BBX: variants seen among roughly 807,000 people sequenced by gnomAD.
The protein encoded by BBX is HMG box transcription factor BBX.
A neutral mutation model predicts 100.2 loss-of-function variants in BBX; 30 were observed. The ratio of observed to expected loss-of-function variants is 0.30; its 90% CI spans 0.22 to 0.41. The LOEUF (loss-of-function observed/expected upper bound fraction) is 0.41. Among genes scored for constraint, BBX ranks in the 10% least tolerant of loss-of-function variants. The pLI, the probability that BBX is intolerant of heterozygous loss-of-function variation, is 1.00. For synonymous variants in BBX, 376 were observed against 388.1 expected (o/e 0.97, Z 0.37); for missense variants, 1,023 against 1,129.8 (o/e 0.91, Z 1.35).
At chr3:107,767,245 C>CA (rs1241362658) in intron 10 of BBX, among the ~76,000 whole-genome samples, 1 of 152,082 alleles carries the variant, frequency 6.6e-6, no homozygotes, top group Non-Finnish European at 1.5e-5. Flanking sequence ...CCCCTGCTTC[C>CA]ATGCAGGTTC....
chr3:107,684,401 T>C (rs978553522), intron 3 of BBX, among the ~76,000 whole-genome samples: 13 of 152,202 alleles, frequency 8.5e-5, no homozygotes, highest in African/African-American at 2.7e-4. Flanking sequence ...ATATTTTTTT[T>C]CTGAGGTAAT....
intron 2 of BBX, among the ~76,000 whole-genome samples, chr3:107,609,746 T>G (rs1282892105): frequency 6.6e-6 from 1 of 152,102 alleles, no homozygotes; most frequent in East Asian, 1.9e-4. Context: ...ATCTCTTATT[T>G]TATTTATTTG....
intron 2 of BBX, among the ~76,000 whole-genome samples, chr3:107,577,958 A>C (rs531886696): frequency 6.6e-6 from 1 of 152,186 alleles, no homozygotes; most frequent in East Asian, 1.9e-4. Flanking sequence ...GGGGAAAAAA[A>C]CCCTTGAGAA....
intron 2 of BBX, among the ~76,000 whole-genome samples, chr3:107,594,852 T>C (rs1432133686): frequency 6.6e-6 from 1 of 152,230 alleles, no homozygotes; most frequent in Non-Finnish European, 1.5e-5. Flanking sequence ...AAGGATACTG[T>C]CTTTTTTGAT....
chr3:107,615,199 T>G (rs989399635), intron 2 of BBX, among the ~76,000 whole-genome samples: 1 of 152,152 alleles, frequency 6.6e-6, no homozygotes, highest in African/African-American at 2.4e-5. Flanking sequence ...ATTGACCATG[T>G]ATTTAAGAAC....
chr3:107,619,367 C>T (rs373155402), intron 2 of BBX, among the ~76,000 whole-genome samples: 1 of 152,014 alleles, frequency 6.6e-6, no homozygotes, highest in Non-Finnish European at 1.5e-5. Flanking sequence ...CCCCATAACC[C>T]CTTTATGTCT....
At chr3:107,616,859 C>T (rs2055330937) in intron 2 of BBX, among the ~76,000 whole-genome samples, 1 of 152,022 alleles carries the variant, frequency 6.6e-6, no homozygotes, top group Non-Finnish European at 1.5e-5. Context: ...TCATCATCTT[C>T]TTAGGGTATT....
chr3:107,684,493 T>A (rs941411672), intron 3 of BBX: 2 of 152,138 alleles, frequency 1.3e-5, no homozygotes, highest in Admixed American at 6.5e-5. Context: ...ATTGAGAGGG[T>A]CTCCCAGGTA....
At chr3:107,661,857 CAGT>C (rs2058462431) in intron 3 of BBX, 2 of 985,218 alleles carry the variant, frequency 2.0e-6, no homozygotes, top group Non-Finnish European at 2.4e-6. Context: ...AAGCCTCTAG[CAGT>C]ACCTGGTATC....
At chr3:107,635,128 A>C (rs978328422) in intron 2 of BBX, among the ~76,000 whole-genome samples, 2 of 138,196 alleles carry the variant, frequency 1.4e-5, no homozygotes, top group Non-Finnish European at 3.1e-5. Flanking sequence ...ATCTATAAAA[A>C]TAACTCAAAC....
chr3:107,716,451 C>T lies in BBX; in HGVS notation c.163-156C>T, dbSNP rs1576475597. 1.2e-5 allele frequency: 10 copies of T among 865,518 alleles called. No homozygotes were observed. In the East Asian group the frequency reaches 2.7e-4, roughly 23 times the overall value. The allele number at this position is 865,518 out of a possible 1,614,324, so 53.6% of individuals were successfully genotyped here. A position where few individuals can be genotyped will look rare whatever the true frequency, so the allele number is the denominator to read the frequency against. On this transcript the variant is annotated intron_variant, in intron 4 of 17. Transcript: ENST00000325805. Reference sequence around the variant, plus strand: ...TCATAAGTTAGTTACCAACCATGAACAGTGGTTGTTGATTTTTTAAAATTA... The same window carrying T: ...TCATAAGTTAGTTACCAACCATGAATAGTGGTTGTTGATTTTTTAAAATTA...
At chr3:107,591,215 G>T (rs1188904110) in intron 2 of BBX, among the ~76,000 whole-genome samples, 2 of 146,398 alleles carry the variant, frequency 1.4e-5, no homozygotes, top group African/African-American at 5.3e-5. Context: ...CCTTTTTAAG[G>T]ATTTTTTTTT....
intron 13 of BBX, among the ~76,000 whole-genome samples, chr3:107,780,857 A>G (rs1364162354): frequency 6.6e-6 from 1 of 151,916 alleles, no homozygotes; most frequent in Non-Finnish European, 1.5e-5. Flanking sequence ...TAGACTCTAG[A>G]CCCTTTCCAC....
chr3:107,731,874 T>C (rs2063337356), intron 6 of BBX, among the ~76,000 whole-genome samples: 1 of 152,162 alleles, frequency 6.6e-6, no homozygotes, highest in African/African-American at 2.4e-5. Context: ...TCATTTTCAA[T>C]TGTAGATTCC....
intron 5 of BBX, 126 bp downstream of exon 5, chr3:107,716,975 G>A: frequency 8.2e-7 from 1 of 1,223,184 alleles, no homozygotes; most frequent in South Asian, 1.5e-5. Flanking sequence ...GAGATGTTAA[G>A]TAAAAACATA....
intron 3 of BBX, among the ~76,000 whole-genome samples, chr3:107,677,843 A>G (rs958537625): frequency 1.3e-5 from 2 of 152,152 alleles, no homozygotes; most frequent in Non-Finnish European, 2.9e-5. Flanking sequence ...TCTTTAGCCT[A>G]TTAGTATTTT....
intron 2 of BBX, among the ~76,000 whole-genome samples, chr3:107,583,135 A>C (rs746988693): frequency 1.3e-5 from 2 of 151,960 alleles, no homozygotes; most frequent in Admixed American, 1.3e-4. Context: ...AACTGCTTTA[A>C]GTATATGGGA....
intron 3 of BBX, among the ~76,000 whole-genome samples, chr3:107,705,552 C>T (rs1383521852): frequency 1.3e-5 from 2 of 152,154 alleles, no homozygotes; most frequent in Non-Finnish European, 2.9e-5. Context: ...TTTTCAGTTT[C>T]TGAGGCTGCA....
intron 2 of BBX, among the ~76,000 whole-genome samples, chr3:107,624,557 G>A (rs1201137611): frequency 2.0e-5 from 3 of 152,084 alleles, no homozygotes; most frequent in South Asian, 2.1e-4. Flanking sequence ...CATGCAATGC[G>A]GGACTGATTT....
Sources: gnomAD v4.1 joint callset for allele counts (sites outside exome capture counted in the v4.1 genomes callset) on GRCh38, gnomAD v4.1.1 for gene constraint, MANE v1.5 for transcripts, NCBI Gene and HGNC (gene_info 2026-07-23, HGNC 2026-07-21) for gene names.